NUTM2G: variants seen among roughly 807,000 people sequenced by gnomAD.
The protein encoded by NUTM2G is NUT family member 2G, also known as family with sequence similarity 22, member G.
A neutral mutation model predicts 44.3 loss-of-function variants in NUTM2G; 29 were observed. The observed-to-expected ratio is 0.66, with a 90% CI of 0.49 to 0.89. The LOEUF (loss-of-function observed/expected upper bound fraction) is 0.89. NUTM2G is among the 40% of genes least tolerant of loss of function. The pLI is 0.00. For synonymous variants in NUTM2G, 205 were observed against 395.9 expected (o/e 0.52, Z 5.72); for missense variants, 502 against 946.5 (o/e 0.53, Z 6.16).
intron 2 of NUTM2G, among the ~76,000 whole-genome samples, chr9:96,933,040 T>C (rs150135658): frequency 0.012 from 1,721 of 149,294 alleles, 112 homozygotes; most frequent in Admixed American, 0.1. Flanking sequence ...AGCAGTGGCG[T>C]GATCTCGGCT....
intron 1 of NUTM2G, among the ~76,000 whole-genome samples, chr9:96,930,886 T>TG: frequency 2.8e-5 from 2 of 70,692 alleles, no homozygotes; most frequent in Non-Finnish European, 5.3e-5. Context: ...TTTTTTTTTT[T>TG]TTTTTTTTTT....
In NUTM2G at chr9:96,929,440, A is replaced by G. The variant is rs200682136; in HGVS notation, c.16+400A>G. On this transcript the variant is annotated intron_variant, in intron 1 of 6. Coordinates refer to ENST00000372322, the MANE Select transcript of NUTM2G (RefSeq NM_001170741.3). ...TGGAAGGTGCCCTTCCATAGTGTTT[A>G]GAGGGATTTGGACTGGAGTTTTCTA... Among the ~76,000 whole-genome samples the G allele has an allele frequency of 9.1e-3, 1,370 of 151,252 alleles. 50 individuals carry two copies. In the East Asian group the frequency reaches 0.1, roughly 11 times the overall value.
chr9:96,935,459 G>A lies in NUTM2G; in HGVS notation c.842+3G>A. 1.2e-6 allele frequency: 2 copies of A among 1,612,066 alleles called. No homozygotes were observed. The highest frequency in any genetic ancestry group is 1.7e-6 in the Non-Finnish European group (2 of 1,179,860). ...ATTTTCTACGAGATGGCGGCAAAGT[G>A]AGTCTGGGGTCCTGGGGGCAGGGCC... On this transcript the variant is annotated splice_donor_region_variant and intron_variant, in intron 3 of 6. Coordinates refer to ENST00000372322, the MANE Select transcript of NUTM2G (RefSeq NM_001170741.3).
Position 96,937,194 on chromosome 9 carries a change from C to A in NUTM2G, c.1113C>A (p.Val371=). 1 of 1,612,860 alleles carries A rather than the reference C, an allele frequency of 6.2e-7. No homozygotes were observed. The highest frequency in any genetic ancestry group is 8.5e-7 in the Non-Finnish European group (1 of 1,179,874). ...CCCCGAGGCCAGCAGAGACCAAGGTCCCTGAGGAGATCCCCCCTGAAGTGG... is the reference window on the plus strand; with the variant it reads ...CCCCGAGGCCAGCAGAGACCAAGGTACCTGAGGAGATCCCCCCTGAAGTGG... ...PRPPRPAETK[V]PEEIPPEVVQ... The change falls in exon 5 of 7, where the codon GTC becomes GTA. Residue 371 remains valine, a synonymous_variant. Transcript: ENST00000372322.
intron 3 of NUTM2G, 45 bp from the exon 4 acceptor site, chr9:96,936,380 G>A (rs765672124): frequency 6.5e-7 from 1 of 1,550,366 alleles, no homozygotes; most frequent in Non-Finnish European, 8.7e-7. Flanking sequence ...TGGGGGGAGG[G>A]GGCCTGGACC....
At chr9:96,934,378 A>G (rs1455917077) in intron 2 of NUTM2G, among the ~76,000 whole-genome samples, 1 of 152,004 alleles carries the variant, frequency 6.6e-6, no homozygotes, top group Non-Finnish European at 1.5e-5. Flanking sequence ...TTCCTCCCCA[A>G]CAGTCTCGCT....
At chr9:96,932,547 G>C in intron 2 of NUTM2G, 129 bp downstream of exon 2, 2 of 1,333,136 alleles carry the variant, frequency 1.5e-6, no homozygotes, top group East Asian at 4.7e-5. Flanking sequence ...TGTGCTATGG[G>C]AAGGTACATT....
Position 96,935,417 on chromosome 9 carries a change from G to A in NUTM2G, c.803G>A (p.Ser268Asn), listed in dbSNP as rs1198269179. 4 of 1,612,098 alleles carry A rather than the reference G, an allele frequency of 2.5e-6. No homozygotes were observed. The highest frequency in any genetic ancestry group is 1.1e-5 in the South Asian group (1 of 90,996). ...WRAMREWQHT[S>N]NFDRMIFYEM... ...GCCATGCGGGAATGGCAGCACACGA[G>A]CAACTTTGACCGGATGATTTTCTAC... Residue 268 changes from serine (S) to asparagine (N), a missense_variant, in exon 3 of 7, where the codon AGC (serine) becomes AAC (asparagine). Ser to Asn is a conservative substitution (Grantham distance 46). Transcript: ENST00000372322.
chr9:96,930,741 G>C (rs555356996), intron 1 of NUTM2G, among the ~76,000 whole-genome samples: 1 of 150,080 alleles, frequency 6.7e-6, no homozygotes, highest in Non-Finnish European at 1.5e-5. Flanking sequence ...GGAATGGGTG[G>C]CCTGAATCTG....
chr9:96,931,765 C>T lies in NUTM2G; in HGVS notation c.60C>T (p.Thr20=), dbSNP rs1826249925. The stretch of plus-strand genomic sequence containing the variant: ...CCGGCGTGACCGTGAACCCTGGCAC[C>T]TCCCTGTCTGTGTTCACGGCTCTGC... ...LGPGVTVNPG[T]SLSVFTALPF... is the part of the protein sequence containing the mutation. The change falls in exon 2 of 7, where the codon ACC becomes ACT. Residue 20 remains threonine (T), a synonymous_variant. Coordinates refer to ENST00000372322, the MANE Select transcript of NUTM2G (RefSeq NM_001170741.3). 9 of 1,611,634 alleles carry T rather than the reference C, an allele frequency of 5.6e-6. No homozygotes were observed. The highest frequency in any genetic ancestry group is 1.7e-5 in the Admixed American group (1 of 60,008).
intron 3 of NUTM2G, among the ~76,000 whole-genome samples, chr9:96,936,055 T>C (rs1339877368): frequency 1.3e-5 from 2 of 149,296 alleles, no homozygotes; most frequent in Non-Finnish European, 3.0e-5. Context: ...GGGTTATCCT[T>C]CAGGGGCCCA....
intron 4 of NUTM2G, 87 bp from the exon 5 acceptor site, chr9:96,936,977 C>A (rs1826451854): frequency 2.2e-6 from 3 of 1,374,752 alleles, no homozygotes; most frequent in Non-Finnish European, 2.9e-6. Flanking sequence ...GGACCCACTT[C>A]ACATCCCCAA....
rs1826433341 is a variant in NUTM2G, at chr9:96,936,483, G to A, written c.901G>A (p.Gly301Arg). ...MQIQKSQWMK[G>R]PQSLPPPAPP... Reference sequence around the variant, plus strand: ...GATTCAGAAATCGCAGTGGATGAAGGGGCCCCAGAGCCTGCCTCCTCCAGC... The same window carrying A: ...GATTCAGAAATCGCAGTGGATGAAGAGGCCCCAGAGCCTGCCTCCTCCAGC... Residue 301 changes from glycine (G) to arginine (R), a missense_variant, in exon 4 of 7, where the codon GGG becomes AGG. Transcript: ENST00000372322. 1 of 1,560,116 alleles carries A rather than the reference G, an allele frequency of 6.4e-7. No individual in the cohort carries two copies. Among genetic ancestry groups the A allele is most frequent in the Non-Finnish European group, 8.6e-7 (1 of 1,160,702 alleles).
rs767714264 is a variant in NUTM2G, at chr9:96,935,401, G to C, written c.787G>C (p.Glu263Gln). 2.5e-5 allele frequency: 41 copies of C among 1,611,950 alleles called. No individual in the cohort carries two copies. The East Asian group carries it at 8.0e-4, about 32-fold the overall frequency. Residue 263 changes from glutamate to glutamine, a missense_variant, in exon 3 of 7, where the codon GAA becomes CAA. Coordinates refer to ENST00000372322, the MANE Select transcript of NUTM2G (RefSeq NM_001170741.3). ...GGAGGGACTGTGGCGGGCCATGCGG[G>C]AATGGCAGCACACGAGCAACTTTGA... ...LEEGLWRAMR[E>Q]WQHTSNFDRM...
chr9:96,940,741 G>A (rs1588208074), downstream of NUTM2G, among the ~76,000 whole-genome samples: 1 of 151,596 alleles, frequency 6.6e-6, no homozygotes, highest in South Asian at 2.1e-4. Flanking sequence ...TGGCGGCCTG[G>A]TCCCTCTGCC....
intron 5 of NUTM2G, 99 bp from the exon 6 acceptor site, chr9:96,937,786 G>T: frequency 2.0e-6 from 3 of 1,531,950 alleles, no homozygotes; most frequent in South Asian, 1.1e-5. Flanking sequence ...AGGAGGGTGG[G>T]AATGGGGCCC....
At chr9:96,935,851 T>C (rs1452813571) in intron 3 of NUTM2G, among the ~76,000 whole-genome samples, 2 of 152,004 alleles carry the variant, frequency 1.3e-5, no homozygotes, top group Non-Finnish European at 2.9e-5. Flanking sequence ...CATCCCAGCC[T>C]GGCCAGGGAG....
intron 1 of NUTM2G, among the ~76,000 whole-genome samples, chr9:96,930,670 C>T (rs1826210966): frequency 6.7e-6 from 1 of 149,114 alleles, no homozygotes; most frequent in South Asian, 2.1e-4. Flanking sequence ...ACCACTGCTT[C>T]TCAGATCTGC....
intron 1 of NUTM2G, 136 bp downstream of exon 1, chr9:96,929,176 C>A (rs985172630): frequency 5.7e-6 from 8 of 1,407,732 alleles, no homozygotes; most frequent in African/African-American, 1.4e-5. Flanking sequence ...GGACATCACA[C>A]CTGGGGATGG....
Sources: gnomAD v4.1 joint callset for allele counts (sites outside exome capture counted in the v4.1 genomes callset) on GRCh38, gnomAD v4.1.1 for gene constraint, MANE v1.5 for transcripts, NCBI Gene and HGNC (gene_info 2026-07-23, HGNC 2026-07-21) for gene names.